Variants in CXXC5 observed in about 807,000 individuals in gnomAD.
The protein encoded by CXXC5 is CXXC finger protein 5, also known as CXXC-type zinc finger protein 5.
A neutral mutation model predicts 17.6 loss-of-function variants in CXXC5; 2 were observed. The observed-to-expected ratio is 0.11, with a 90% confidence interval of 0.05 to 0.36. The LOEUF (loss-of-function observed/expected upper bound fraction) is 0.36, where lower values mean the gene tolerates loss of function less well. CXXC5 is among the 10% of genes least tolerant of loss of function. The pLI is 1.00. For synonymous variants in CXXC5, 171 were observed against 193.0 expected (o/e 0.89, Z 0.94); for missense variants, 343 against 458.3 (o/e 0.75, Z 2.30).
In CXXC5 at chr5:139,680,429, A is replaced by G; in HGVS notation, c.-95A>G. ...CCCTGAGCAGCGAGGCCCACCAGGC[A>G]TCTCTGTTGTGGGCAGCAGGGCCAG... On this transcript the variant is annotated 5_prime_UTR_variant, in exon 2 of 3. Transcript: ENST00000302517. 6.9e-7 allele frequency: 1 copy of G among 1,453,342 alleles called. No homozygotes were observed. The highest frequency in any genetic ancestry group is 1.4e-5 in the African/African-American group (1 of 70,656). The allele number at this position is 1,453,342 out of a possible 1,614,324, so 90.0% of individuals were successfully genotyped here. A position where few individuals can be genotyped will look rare whatever the true frequency, so the allele number is the denominator to read the frequency against.
rs1296413570 is a variant in CXXC5 at position 139,683,441 on chromosome 5, C to T, written c.*534C>T. The T allele has an allele frequency of 6.6e-6, 1 of 152,350 alleles. No individual in the cohort carries two copies. The highest frequency in any genetic ancestry group is 2.4e-5 in the African/African-American group (1 of 41,400). The allele number at this position is 152,350 out of a possible 1,614,324, so 9.4% of individuals were successfully genotyped here. On this transcript the variant is annotated 3_prime_UTR_variant, in exon 3 of 3. Transcript: ENST00000302517. ...TTCATAAAGAGAATGTTGATGGCGC[C>T]GTGTAGAAGCCGCTCTGTATCCATC...
chr5:139,681,475 G>A (rs1757233257), intron 2 of CXXC5, 28 bp downstream of exon 2: 1 of 1,531,872 alleles, frequency 6.5e-7, no homozygotes, highest in East Asian at 2.3e-5. Context: ...GGAGGTGTGT[G>A]GGCTCTTGTG....
chr5:139,677,540 A>G (rs1438766935), intron 1 of CXXC5, among the ~76,000 whole-genome samples: 2 of 151,970 alleles, frequency 1.3e-5, no homozygotes, highest in African/African-American at 4.8e-5. Context: ...ATGTCTGTCT[A>G]CTCTGGATTT....
intron 1 of CXXC5, among the ~76,000 whole-genome samples, chr5:139,651,751 A>C (rs909583618): frequency 1.3e-5 from 2 of 151,822 alleles, no homozygotes; most frequent in Non-Finnish European, 2.9e-5. Context: ...GGAATGAGGG[A>C]ATACGGGTGA....
In CXXC5 at chr5:139,663,587, G is replaced by A. The variant is rs186772140; in HGVS notation, c.-161+14742G>A. ...CCCCCCATGGTCCTGCAGGCTAGACGGGGAATGCTTTGTATTTGGGGCTGG... is the reference window on the plus strand; with the variant it reads ...CCCCCCATGGTCCTGCAGGCTAGACAGGGAATGCTTTGTATTTGGGGCTGG... On this transcript the variant is annotated intron_variant, in intron 1 of 2. Transcript: ENST00000302517. The surrounding 1 kb of genome is among the most constrained non-coding windows in gnomAD (Gnocchi z 4.2). 5.3e-5 allele frequency among the ~76,000 whole-genome samples: 8 copies of A among 152,232 alleles called. No homozygotes were observed. Among genetic ancestry groups the A allele is most frequent in the African/African-American group, 1.4e-4 (6 of 41,520 alleles).
At chr5:139,656,326 G>T (rs2126750592) in intron 1 of CXXC5, among the ~76,000 whole-genome samples, 1 of 152,364 alleles carries the variant, frequency 6.6e-6, no homozygotes, top group Non-Finnish European at 1.5e-5. Flanking sequence ...GTGATCACTG[G>T]CAGGGGTGGT....
At chr5:139,648,022 G>T (rs1427732899), upstream of CXXC5, 1 of 151,036 alleles carries the variant, frequency 6.6e-6, no homozygotes, top group East Asian at 1.9e-4. Context: ...TCTAAACCCA[G>T]ACCGCCTCAC....
At chr5:139,676,719 C>T (rs80178217) in intron 1 of CXXC5, among the ~76,000 whole-genome samples, 10,324 of 149,992 alleles carry the variant, frequency 0.069, 503 homozygotes, top group Non-Finnish European at 0.098. Flanking sequence ...CTCCTTAGGG[C>T]TGTTTCCTTG....
chr5:139,656,096 C>A (rs1755484363), intron 1 of CXXC5, among the ~76,000 whole-genome samples: 1 of 152,270 alleles, frequency 6.6e-6, no homozygotes, highest in African/African-American at 2.4e-5. Context: ...ACGTGCCCAG[C>A]CTGCCAGCAG....
chr5:139,680,545 T>C lies in CXXC5; in HGVS notation c.22T>C (p.Ser8Pro). 6.4e-7 allele frequency: 1 copy of C among 1,569,276 alleles called. No homozygotes were observed. The highest frequency in any genetic ancestry group is 8.6e-7 in the Non-Finnish European group (1 of 1,158,284). Residue 8 changes from serine (S) to proline (P), a missense_variant, in exon 2 of 3, where the codon TCC becomes CCC. Physicochemically the swap from Ser to Pro is moderately conservative, Grantham distance 74 (BLOSUM62 -1). Transcript: ENST00000302517. MSSLGGG[S>P]QDAGGSSSSS... is the part of the protein sequence containing the mutation. ...CACCATGTCGAGCCTCGGCGGTGGC[T>C]CCCAGGATGCCGGCGGCAGTAGCAG...
chr5:139,652,578 CTAAG>C (rs1755271989), intron 1 of CXXC5, among the ~76,000 whole-genome samples: 1 of 152,132 alleles, frequency 6.6e-6, no homozygotes, highest in Non-Finnish European at 1.5e-5. Flanking sequence ...ATGTGTGTCT[CTAAG>C]TAGTGTATCT....
chr5:139,651,036 C>T (rs1398596030), intron 1 of CXXC5: 1 of 152,222 alleles, frequency 6.6e-6, no homozygotes, highest in South Asian at 2.1e-4. Flanking sequence ...AGATTGGCCT[C>T]CGAGTTCCCA....
chr5:139,661,110 C>A lies in CXXC5; in HGVS notation c.-161+12265C>A, dbSNP rs1401489879. Among the ~76,000 whole-genome samples, 3 of 152,304 alleles carry A rather than the reference C, an allele frequency of 2.0e-5. No homozygotes were observed. The highest frequency in any genetic ancestry group is 6.5e-5 in the Admixed American group (1 of 15,300). On this transcript the variant is annotated intron_variant, in intron 1 of 2. Coordinates refer to ENST00000302517, the MANE Select transcript of CXXC5 (RefSeq NM_016463.9). The surrounding 1 kb of genome is among the most constrained non-coding windows in gnomAD (Gnocchi z 4.7). ...GCTCTTCCCCATGCTGCAGCCTCCC[C>A]TTTTCAGAGGCCTGGGGAAGCAGCA...
chr5:139,659,420 A>G (rs962457362), intron 1 of CXXC5: 3 of 152,338 alleles, frequency 2.0e-5, no homozygotes, highest in Admixed American at 2.0e-4. Flanking sequence ...AAGTGGAGAC[A>G]TCCCAAGCCT....
upstream of CXXC5, chr5:139,647,397 T>C (rs1418517910): frequency 7.1e-6 from 1 of 139,894 alleles, no homozygotes; most frequent in Non-Finnish European, 1.6e-5. Flanking sequence ...TGGGATTATA[T>C]GCAGTTGGGA....
rs1045829108 is a variant in CXXC5 at position 139,674,664 on chromosome 5, C to G, written c.-160-5700C>G. On this transcript the variant is annotated intron_variant, in intron 1 of 2. Coordinates refer to ENST00000302517, the MANE Select transcript of CXXC5 (RefSeq NM_016463.9). ...TAAAAATCATTAAATTATATGTATACTTTAATGTGGCAGAATTTTATAGTA... is the reference window on the plus strand; with the variant it reads ...TAAAAATCATTAAATTATATGTATAGTTTAATGTGGCAGAATTTTATAGTA... Among the ~76,000 whole-genome samples, 4 of 152,214 alleles carry G rather than the reference C, an allele frequency of 2.6e-5. No homozygotes were observed. In the South Asian group the frequency reaches 6.2e-4, roughly 24 times the overall value.
chr5:139,672,248 G>C (rs1756517001), intron 1 of CXXC5, among the ~76,000 whole-genome samples: 1 of 152,198 alleles, frequency 6.6e-6, no homozygotes, highest in African/African-American at 2.4e-5. Flanking sequence ...CTCCCGAGTA[G>C]CTGGGATTAC....
intron 1 of CXXC5, among the ~76,000 whole-genome samples, chr5:139,654,061 G>A (rs947656925): frequency 1.3e-5 from 2 of 152,122 alleles, no homozygotes; most frequent in African/African-American, 4.8e-5. Flanking sequence ...GCTCTGGGTA[G>A]ACCAAGCAGA....
chr5:139,677,042 G>A (rs899755468), intron 1 of CXXC5, among the ~76,000 whole-genome samples: 2 of 150,996 alleles, frequency 1.3e-5, no homozygotes, highest in Non-Finnish European at 2.9e-5. Flanking sequence ...CCGGCTGGCC[G>A]GCTCCTGCAT....
Sources: allele counts gnomAD v4.1 joint callset (sites outside exome capture counted in the v4.1 genomes callset), GRCh38; gene constraint gnomAD v4.1.1; non-coding constraint Gnocchi (gnomAD v3.1); transcripts MANE v1.5; gene names NCBI Gene and HGNC (gene_info 2026-07-23, HGNC 2026-07-21).